VAX2: variants seen among roughly 807,000 people sequenced by gnomAD.
VAX2 encodes ventral anterior homeobox 2.
A neutral mutation model predicts 12.5 loss-of-function variants in VAX2; 8 were observed. The observed-to-expected ratio is 0.64, with a 90% CI of 0.37 to 1.15. The LOEUF is 1.15. VAX2 is among the 50% of genes most tolerant of loss of function. VAX2 has a pLI of 0.01. For missense variants in VAX2, 476 were observed against 412.9 expected (o/e 1.15, Z -1.32); for synonymous variants, 183 against 187.6 (o/e 0.98, Z 0.20).
intron 2 of VAX2, among the ~76,000 whole-genome samples, chr2:70,921,588 G>GC (rs1679459984): frequency 6.9e-6 from 1 of 144,944 alleles, no homozygotes; most frequent in Admixed American, 7.0e-5. Flanking sequence ...GGAGTGGCTT[G>GC]GGGGGGTGTT....
chr2:70,922,818 GC>G (rs1348625751), intron 2 of VAX2, among the ~76,000 whole-genome samples: 13 of 152,224 alleles, frequency 8.5e-5, no homozygotes, highest in African/African-American at 2.9e-4. Flanking sequence ...GGGCTGGGAA[GC>G]CAGGCTTGTG....
intron 2 of VAX2, among the ~76,000 whole-genome samples, chr2:70,926,374 C>T (rs914588167): frequency 2.0e-5 from 3 of 152,194 alleles, no homozygotes; most frequent in Admixed American, 2.0e-4. Context: ...CTCTGCCCAC[C>T]TTTGTCAGCC....
rs1679445291 is a variant in VAX2 at position 70,921,043 on chromosome 2, GT to G, written c.248-54del. Reference sequence around the variant, plus strand: ...CCACCTTTTATTAAGATGCTTTCTGGTGATCTAACTCCCTAGCTAATGAACT... The same window carrying G: ...CCACCTTTTATTAAGATGCTTTCTGGGATCTAACTCCCTAGCTAATGAACT... On this transcript the variant is annotated intron_variant, in intron 1 of 2. Coordinates refer to ENST00000234392, the MANE Select transcript of VAX2 (RefSeq NM_012476.3). 1.0e-5 allele frequency: 15 copies of G among 1,469,282 alleles called. 1 individual carries two copies. The Admixed American group carries it at 3.9e-4, about 38-fold the overall frequency. 91.0% of individuals were successfully genotyped at this position (1,469,282 alleles called of 1,614,324 possible). A position where few individuals can be genotyped will look rare whatever the true frequency, so the allele number is the denominator to read the frequency against.
chr2:70,932,688 T>A, intron 2 of VAX2, 79 bp from the exon 3 acceptor site: 1 of 457,420 alleles, frequency 2.2e-6, no homozygotes, highest in Non-Finnish European at 2.9e-6. Flanking sequence ...GCCCTTCCTC[T>A]CCTTTCCTCC....
At chr2:70,917,841 G>A (rs1483295896) in intron 1 of VAX2, among the ~76,000 whole-genome samples, 6 of 152,034 alleles carry the variant, frequency 3.9e-5, no homozygotes, top group African/African-American at 1.4e-4. Context: ...GCTTGAGGAG[G>A]CTTATTAAGG....
chr2:70,915,601 AT>A (rs1553411845), intron 1 of VAX2, among the ~76,000 whole-genome samples: 2 of 152,070 alleles, frequency 1.3e-5, no homozygotes, highest in East Asian at 3.9e-4. Flanking sequence ...ATCCTCCTAT[AT>A]TTTTTTGTAA....
At chr2:70,930,792 T>C (rs1679678033) in intron 2 of VAX2, among the ~76,000 whole-genome samples, 1 of 152,214 alleles carries the variant, frequency 6.6e-6, no homozygotes. Flanking sequence ...TGCTGGACTA[T>C]TAAATCTTCC....
chr2:70,903,825 C>G (rs1057051969), intron 1 of VAX2, among the ~76,000 whole-genome samples: 8 of 152,168 alleles, frequency 5.3e-5, no homozygotes, highest in Admixed American at 5.2e-4. Flanking sequence ...CTGGGCTGTA[C>G]TGGAGGTGAG....
At chr2:70,921,379 A>T (rs782021791) in intron 2 of VAX2, 94 bp downstream of exon 2, 5 of 1,373,016 alleles carry the variant, frequency 3.6e-6, no homozygotes, top group Non-Finnish European at 1.9e-6. Context: ...AGGGAGACCC[A>T]ACTTTGGAGG....
At chr2:70,932,221 G>A (rs1325819935) in intron 2 of VAX2, among the ~76,000 whole-genome samples, 1 of 152,202 alleles carries the variant, frequency 6.6e-6, no homozygotes, top group East Asian at 1.9e-4. Flanking sequence ...ATGGAAGAGG[G>A]AGCGTGGGAA....
At chr2:70,901,083 C>G (rs1330808820) in intron 1 of VAX2, among the ~76,000 whole-genome samples, 1 of 152,234 alleles carries the variant, frequency 6.6e-6, no homozygotes, top group Non-Finnish European at 1.5e-5. Flanking sequence ...AAGCGGTCCC[C>G]GTTTCTCCGC....
intron 1 of VAX2, among the ~76,000 whole-genome samples, chr2:70,908,177 G>A (rs1464518174): frequency 2.0e-5 from 3 of 152,220 alleles, no homozygotes; most frequent in African/African-American, 7.2e-5. Context: ...ATAGGTAATT[G>A]TAAAATAGAT....
At chr2:70,932,565 G>A (rs1241772002) in intron 2 of VAX2, among the ~76,000 whole-genome samples, 4 of 151,872 alleles carry the variant, frequency 2.6e-5, no homozygotes, top group South Asian at 2.1e-4. Flanking sequence ...TAATCAGTTC[G>A]CCTACAGCAG....
Position 70,921,241 on chromosome 2 carries a change from G to C in VAX2, c.391G>C (p.Glu131Gln). The change falls in exon 2 of 3, where the codon GAG becomes CAG. Residue 131 changes from glutamate (E) to glutamine (Q), a missense_variant. Physicochemically the swap from Glu to Gln is conservative, Grantham distance 29. Coordinates refer to ENST00000234392, the MANE Select transcript of VAX2 (RefSeq NM_012476.3). Reference protein sequence around the residue: ...FQRCQYVVGRERTELARQLNL... With the variant: ...FQRCQYVVGRQRTELARQLNL... ...GCGCTGCCAGTATGTGGTGGGCCGC[G>C]AGCGCACTGAGCTGGCCCGCCAGCT... 6.2e-7 allele frequency: 1 copy of C among 1,613,104 alleles called. No individual in the cohort carries two copies. The highest frequency in any genetic ancestry group is 2.2e-5 in the East Asian group (1 of 44,832).
intron 1 of VAX2, among the ~76,000 whole-genome samples, chr2:70,911,555 T>C (rs11681519): frequency 0.2 from 29,925 of 152,178 alleles, 3,008 homozygotes; most frequent in Admixed American, 0.25. Context: ...TATGTTCTTA[T>C]TGAGAGAGCT....
At chr2:70,920,504 G>A (rs1466804362) in intron 1 of VAX2, among the ~76,000 whole-genome samples, 3 of 152,150 alleles carry the variant, frequency 2.0e-5, no homozygotes, top group Non-Finnish European at 2.9e-5. Flanking sequence ...TGATATGGTA[G>A]CAGTTGTCCT....
At chr2:70,914,950 G>A (rs1009033556) in intron 1 of VAX2, among the ~76,000 whole-genome samples, 6 of 151,854 alleles carry the variant, frequency 4.0e-5, no homozygotes, top group East Asian at 1.9e-4. Flanking sequence ...AGAGGCGCAC[G>A]CCACCACACC....
At chr2:70,913,828 C>T (rs1210856171) in intron 1 of VAX2, among the ~76,000 whole-genome samples, 3 of 152,136 alleles carry the variant, frequency 2.0e-5, no homozygotes, top group African/African-American at 4.8e-5. Context: ...TAATATTTGA[C>T]AAATAAGGGC....
At chr2:70,915,839 C>G (rs1553411869) in intron 1 of VAX2, among the ~76,000 whole-genome samples, 1 of 152,084 alleles carries the variant, frequency 6.6e-6, no homozygotes, top group African/African-American at 2.4e-5. Flanking sequence ...ATCCCCTTAT[C>G]TTGTACTTCC....
Sources: allele counts gnomAD v4.1 joint callset (sites outside exome capture counted in the v4.1 genomes callset), GRCh38; gene constraint gnomAD v4.1.1; transcripts MANE v1.5; gene names NCBI Gene and HGNC (gene_info 2026-07-23, HGNC 2026-07-21).